The following CDH4 variants were observed in gnomAD, a reference collection of about 807,000 sequenced individuals.
CDH4 encodes cadherin-4.
A neutral mutation model predicts 86.0 loss-of-function variants in CDH4; 33 were observed. The ratio of observed to expected loss-of-function variants is 0.38; its 90% CI spans 0.29 to 0.51. The LOEUF (loss-of-function observed/expected upper bound fraction) is 0.51, where lower values mean the gene tolerates loss of function less well. Ranked by LOEUF, CDH4 falls within the 20% of genes least tolerant of loss-of-function variation. CDH4 has a pLI of 0.86. For missense variants in CDH4, 1,114 were observed against 1,307.4 expected (o/e 0.85, Z 2.28); for synonymous variants, 555 against 549.4 (o/e 1.01, Z -0.14).
At chr20:61,743,494 G>T (rs1600938010) in intron 2 of CDH4, 69 bp from the exon 3 acceptor site, 3 of 1,212,782 alleles carry the variant, frequency 2.5e-6, no homozygotes, top group Admixed American at 4.0e-5. Context: ...CGTCCTGCGT[G>T]GTTGCTGCCA....
intron 2 of CDH4, among the ~76,000 whole-genome samples, chr20:61,374,195 G>A (rs1600912548): frequency 6.6e-6 from 1 of 152,336 alleles, no homozygotes; most frequent in Admixed American, 6.5e-5. Context: ...CTCGCTGTCT[G>A]AAAGGGGAGA....
At chr20:61,593,676 T>C (rs1049599929) in intron 2 of CDH4, among the ~76,000 whole-genome samples, 2 of 152,170 alleles carry the variant, frequency 1.3e-5, no homozygotes, top group African/African-American at 4.8e-5. Context: ...TTTCACCAGT[T>C]ATGGTTGTTT....
In CDH4 at chr20:61,658,664, C is replaced by T. The variant is rs146455706; in HGVS notation, c.170-84899C>T. On this transcript the variant is annotated intron_variant, in intron 2 of 15. Transcript: ENST00000614565. ...TGGCCCAGGAGCCCTCCTGTCTCAG[C>T]ACCAGCTGGGGCCCGGGCTTGGGGG... 8.2e-4 allele frequency among the ~76,000 whole-genome samples: 125 copies of T among 152,350 alleles called. 2 individuals carry two copies. In the East Asian group the frequency reaches 0.02, roughly 25 times the overall value.
In CDH4 at chr20:61,758,345, G is replaced by T. The variant is rs182398987; in HGVS notation, c.396+14556G>T. 2.1e-4 allele frequency among the ~76,000 whole-genome samples: 32 copies of T among 152,328 alleles called. No individual in the cohort carries two copies. In the East Asian group the frequency reaches 6.0e-3, roughly 28 times the overall value. ...CCCAGTCACAACGTAATTACTCAGT[G>T]CTCCACTGTGGGATGTGTGCTCTGC... On this transcript the variant is annotated intron_variant, in intron 3 of 15. Transcript: ENST00000614565.
At chr20:61,924,293 AC>A in intron 10 of CDH4, 40 bp from the exon 11 acceptor site, 2 of 577,798 alleles carry the variant, frequency 3.5e-6, no homozygotes, top group Non-Finnish European at 5.1e-6. Context: ...AGCCCCGCCC[AC>A]CCCCAGCCTT....
At chr20:61,267,323 G>C (rs942995141) in intron 2 of CDH4, among the ~76,000 whole-genome samples, 1 of 152,196 alleles carries the variant, frequency 6.6e-6, no homozygotes, top group Non-Finnish European at 1.5e-5. Flanking sequence ...CTTTGCGAAA[G>C]CATCAGGGCT....
In CDH4 at chr20:61,701,856, C is replaced by T. The variant is rs573926374; in HGVS notation, c.170-41707C>T. Among the ~76,000 whole-genome samples the T allele has an allele frequency of 6.6e-5, 10 of 152,330 alleles. 1 individual carries two copies. The South Asian group carries it at 1.7e-3, about 25-fold the overall frequency. On this transcript the variant is annotated intron_variant, in intron 2 of 15. Transcript: ENST00000614565. ...GGTGAGCCCAGAATGGAGTTTTCTT[C>T]AGTCCAAAAAAGACTGCTTTCGAGT...
At position 61,703,228 on chromosome 20, in the gene CDH4, A is replaced by G. The variant is rs755622652; in HGVS notation, c.170-40335A>G. ...GGTTGTTTGTCTTTTCCTGACTTCTATGTGCAGTGGATTTCCTGCTTTGTG... is the reference window on the plus strand; with the variant it reads ...GGTTGTTTGTCTTTTCCTGACTTCTGTGTGCAGTGGATTTCCTGCTTTGTG... On this transcript the variant is annotated intron_variant, in intron 2 of 15. Coordinates refer to ENST00000614565, the MANE Select transcript of CDH4 (RefSeq NM_001794.5). The surrounding 1 kb of genome is among the most constrained non-coding windows in gnomAD (Gnocchi z 4.3). Among the ~76,000 whole-genome samples, 1 of 152,108 alleles carries G rather than the reference A, an allele frequency of 6.6e-6. No homozygotes were observed. The highest frequency in any genetic ancestry group is 1.5e-5 in the Non-Finnish European group (1 of 68,030).
At chr20:61,562,250 G>GA (rs2145688635) in intron 2 of CDH4, among the ~76,000 whole-genome samples, 1 of 38,858 alleles carries the variant, frequency 2.6e-5, no homozygotes, top group East Asian at 1.0e-3. Flanking sequence ...CAGGGCTCCC[G>GA]GAGAGAGAGG....
chr20:61,817,853 A>G (rs13036457), intron 4 of CDH4, among the ~76,000 whole-genome samples: 62,536 of 152,134 alleles, frequency 0.41, 15,719 homozygotes, highest in Non-Finnish European at 0.57. Context: ...GTTGTCTCCC[A>G]GGAGGCCATA....
chr20:61,669,402 G>A (rs1459800498), intron 2 of CDH4, among the ~76,000 whole-genome samples: 5 of 152,214 alleles, frequency 3.3e-5, no homozygotes, highest in South Asian at 4.1e-4. Context: ...GGCCACAGAG[G>A]GCCTTGGAGG....
At chr20:61,629,220 G>A (rs189673434) in intron 2 of CDH4, among the ~76,000 whole-genome samples, 4 of 152,270 alleles carry the variant, frequency 2.6e-5, no homozygotes, top group East Asian at 1.9e-4. Context: ...AGGCCAGGCG[G>A]TGCAGGCCAG....
At chr20:61,869,277 G>A (rs191647142) in intron 6 of CDH4, among the ~76,000 whole-genome samples, 6 of 152,284 alleles carry the variant, frequency 3.9e-5, no homozygotes, top group Admixed American at 2.0e-4. Flanking sequence ...GCAAACCACC[G>A]GCCAAACACA....
intron 3 of CDH4, among the ~76,000 whole-genome samples, chr20:61,758,937 G>A (rs1404667892): frequency 6.6e-6 from 1 of 152,184 alleles, no homozygotes; most frequent in Non-Finnish European, 1.5e-5. Context: ...GTGTGCATGG[G>A]TGTACACATG....
At chr20:61,410,786 C>G (rs2085114728) in intron 2 of CDH4, among the ~76,000 whole-genome samples, 1 of 152,088 alleles carries the variant, frequency 6.6e-6, no homozygotes, top group African/African-American at 2.4e-5. Context: ...GTCAGTCATC[C>G]ACCCACACAT....
At chr20:61,511,117 T>C (rs985602383) in intron 2 of CDH4, among the ~76,000 whole-genome samples, 7 of 152,224 alleles carry the variant, frequency 4.6e-5, no homozygotes, top group African/African-American at 1.7e-4. Context: ...CCATTTAACA[T>C]GAGATTTGCT....
At chr20:61,793,557 T>C (rs555822961) in intron 4 of CDH4, among the ~76,000 whole-genome samples, 2 of 151,924 alleles carry the variant, frequency 1.3e-5, no homozygotes, top group African/African-American at 4.8e-5. Context: ...AGAATGAGGC[T>C]GAGGCCGGGC....
intron 2 of CDH4, among the ~76,000 whole-genome samples, chr20:61,333,741 A>T (rs2084599662): frequency 6.6e-6 from 1 of 152,206 alleles, no homozygotes; most frequent in East Asian, 1.9e-4. Context: ...GAGCATCGTG[A>T]TGTGGTTTAC....
At position 61,480,409 on chromosome 20, in the gene CDH4, A is replaced by G. The variant is rs183272266; in HGVS notation, c.169+225472A>G. On this transcript the variant is annotated intron_variant, in intron 2 of 15. Coordinates refer to ENST00000614565, the MANE Select transcript of CDH4 (RefSeq NM_001794.5). This position sits in a 1 kb window ranked among gnomAD's most constrained non-coding sequence, Gnocchi z 5.2. ...GTTCCAAGGTGGGTGGTGGATACAC[A>G]GTCCCTGCCACGCCATCTCTGGGAA... is the stretch of plus-strand genomic sequence containing the variant. 1.2e-3 allele frequency among the ~76,000 whole-genome samples: 190 copies of G among 152,336 alleles called. No homozygotes were observed. Among genetic ancestry groups the G allele is most frequent in the African/African-American group, 4.5e-3 (186 of 41,584 alleles).
Sources: gnomAD v4.1 joint callset for allele counts (sites outside exome capture counted in the v4.1 genomes callset) on GRCh38, gnomAD v4.1.1 for gene constraint, Gnocchi (gnomAD v3.1) non-coding constraint, MANE v1.5 for transcripts, NCBI Gene and HGNC (gene_info 2026-07-23, HGNC 2026-07-21) for gene names.